SOX6: variants seen among roughly 807,000 people sequenced by gnomAD.
SOX6 encodes transcription factor SOX-6.
Under a neutral mutation model 97.8 loss-of-function variants are expected in SOX6, and 11 were observed. That is an observed-to-expected ratio of 0.11 (90% CI 0.07 to 0.19). The LOEUF (loss-of-function observed/expected upper bound fraction) is 0.19. Ranked by LOEUF, SOX6 falls within the 10% of genes least tolerant of loss-of-function variation. The pLI, the probability that SOX6 is intolerant of heterozygous loss-of-function variation, is 1.00. For missense variants in SOX6, 810 were observed against 1,039.5 expected, an observed-to-expected ratio of 0.78 and a Z score of 3.04; for synonymous variants, 360 against 371.4, an observed-to-expected ratio of 0.97 and a Z score of 0.35.
At chr11:16,545,100 TA>T (rs913046742) in intron 4 of SOX6, among the ~76,000 whole-genome samples, 15 of 150,404 alleles carry the variant, frequency 1.0e-4, no homozygotes, top group African/African-American at 7.3e-5. Context: ...ATATCTAAAA[TA>T]AAAAAAACAC....
chr11:16,569,868 C>CAAAAAAAA (rs34604334), intron 4 of SOX6, among the ~76,000 whole-genome samples: 60 of 84,788 alleles, frequency 7.1e-4, no homozygotes, highest in Non-Finnish European at 1.0e-3. Flanking sequence ...GACTCCGTCT[C>CAAAAAAAA]AAAAAAAAAA....
chr11:16,207,813 T>C (rs1852115106), intron 4 of SOX6, among the ~76,000 whole-genome samples: 1 of 117,994 alleles, frequency 8.5e-6, no homozygotes, highest in South Asian at 3.1e-4. Flanking sequence ...AAAATATGCA[T>C]AGGAATGTGT....
At chr11:16,554,374 G>GT (rs984833548) in intron 4 of SOX6, among the ~76,000 whole-genome samples, 4 of 151,982 alleles carry the variant, frequency 2.6e-5, no homozygotes, top group African/African-American at 9.7e-5. Flanking sequence ...ATTAACTTAG[G>GT]TTTTTTCCCC....
chr11:16,183,904 G>C lies in SOX6; in HGVS notation c.759C>G (p.Leu253=). 6.2e-7 allele frequency: 1 copy of C among 1,612,342 alleles called. No homozygotes were observed. Among genetic ancestry groups the C allele is most frequent in the South Asian group, 1.1e-5 (1 of 91,048 alleles). The change falls in exon 6 of 16, where the codon CTC becomes CTG. Residue 253 remains leucine, a synonymous_variant. Coordinates refer to ENST00000683767, the MANE Select transcript of SOX6 (RefSeq NM_001367873.1). ...QLLQQQHKIN[L]LQQQIQVQGH... ...CACTGACCTGGATCTGTTGCTGCAGGAGATTAATTTTGTGCTGCTGTTGCA... is the reference window on the plus strand; with the variant it reads ...CACTGACCTGGATCTGTTGCTGCAGCAGATTAATTTTGTGCTGCTGTTGCA...
chr11:16,107,748 C>T lies in SOX6; in HGVS notation c.898+4055G>A, dbSNP rs554655109. Among the ~76,000 whole-genome samples, 19 of 151,924 alleles carry T rather than the reference C, an allele frequency of 1.3e-4. 1 individual carries two copies. Among genetic ancestry groups the T allele is most frequent in the East Asian group, 5.8e-4 (3 of 5,168 alleles). On this transcript the variant is annotated intron_variant, in intron 7 of 15. Transcript: ENST00000683767. ...TTATACAATATTGAAAATATATTAA[C>T]GCCACTGAGTTATATACTTACAAAT...
intron 7 of SOX6, among the ~76,000 whole-genome samples, chr11:16,104,998 T>C (rs900667275): frequency 2.6e-5 from 4 of 151,136 alleles, no homozygotes; most frequent in Non-Finnish European, 5.9e-5. Flanking sequence ...TTCAAACTCT[T>C]ACAAAAAAAA....
At chr11:16,509,715 T>G (rs1241200629) in intron 4 of SOX6, among the ~76,000 whole-genome samples, 1 of 152,090 alleles carries the variant, frequency 6.6e-6, no homozygotes, top group African/African-American at 2.4e-5. Context: ...AATTTTATTT[T>G]AATCGGGCAT....
chr11:16,685,589 C>G (rs1847962729), intron 3 of SOX6, among the ~76,000 whole-genome samples: 1 of 152,270 alleles, frequency 6.6e-6, no homozygotes, highest in South Asian at 2.1e-4. Context: ...CTCCCAAGGC[C>G]TTGGACAGCT....
intron 7 of SOX6, among the ~76,000 whole-genome samples, chr11:16,107,406 T>TATATATATATACATATATATAC (rs1849117965): frequency 7.0e-6 from 1 of 141,974 alleles, no homozygotes; most frequent in Non-Finnish European, 1.5e-5. Flanking sequence ...TATATATATG[T>TATATATATATACATATATATAC]ATATATATAT....
chr11:16,697,104 CTG>C (rs1171795646), intron 3 of SOX6, among the ~76,000 whole-genome samples: 1 of 152,178 alleles, frequency 6.6e-6, no homozygotes, highest in Non-Finnish European at 1.5e-5. Context: ...TATTGTGACA[CTG>C]TAACAATTCA....
chr11:16,197,813 C>A (rs1851823408), intron 4 of SOX6, among the ~76,000 whole-genome samples: 1 of 152,084 alleles, frequency 6.6e-6, no homozygotes, highest in South Asian at 2.1e-4. Flanking sequence ...CAGAAATGAC[C>A]AAGAGTCTCC....
chr11:16,286,954 T>TC (rs1854762108), intron 3 of SOX6, among the ~76,000 whole-genome samples: 2 of 152,070 alleles, frequency 1.3e-5, no homozygotes. Context: ...TGTGTAGGTT[T>TC]GAAAATTTTT....
intron 6 of SOX6, among the ~76,000 whole-genome samples, chr11:16,180,738 C>T (rs530148936): frequency 1.3e-5 from 2 of 151,704 alleles, no homozygotes; most frequent in African/African-American, 4.8e-5. Flanking sequence ...CTTACTTTTC[C>T]AACACGGTTT....
At chr11:16,359,717 C>T (rs957858346), upstream of SOX6, among the ~76,000 whole-genome samples, 12 of 151,692 alleles carry the variant, frequency 7.9e-5, no homozygotes, top group African/African-American at 1.5e-4. Flanking sequence ...GAGTAGGGAA[C>T]GAAGAGGAGG....
At chr11:16,482,554 G>A (rs1411885365) in intron 4 of SOX6, among the ~76,000 whole-genome samples, 1 of 152,126 alleles carries the variant, frequency 6.6e-6, no homozygotes, top group African/African-American at 2.4e-5. Flanking sequence ...ACAAAAAAGT[G>A]TCACTTGTTT....
At chr11:16,313,210 C>T (rs1051664512) in intron 3 of SOX6, 6 of 152,068 alleles carry the variant, frequency 3.9e-5, no homozygotes, top group Admixed American at 3.3e-4. Context: ...AAAGCATCTG[C>T]CTGGAGAGTT....
intron 3 of SOX6, among the ~76,000 whole-genome samples, chr11:16,710,044 T>C (rs1023401020): frequency 2.0e-5 from 3 of 152,234 alleles, no homozygotes; most frequent in African/African-American, 4.8e-5. Flanking sequence ...GTTCATCAAA[T>C]GCTATATTTT....
Position 16,303,894 on chromosome 11 carries a change from G to C in SOX6, c.445+14552C>G, listed in dbSNP as rs558253208. Among the ~76,000 whole-genome samples, 4 of 152,184 alleles carry C rather than the reference G, an allele frequency of 2.6e-5. No individual in the cohort carries two copies. The South Asian group carries it at 8.3e-4, about 32-fold the overall frequency. On this transcript the variant is annotated intron_variant, in intron 3 of 15. Coordinates refer to ENST00000683767, the MANE Select transcript of SOX6 (RefSeq NM_001367873.1). ...ATTTGGAGAAAATGTAAATAGTTTT[G>C]TGGGGGGTTTCTTTGTTTGTTTTTT...
At chr11:16,582,839 T>C (rs1462253794) in intron 4 of SOX6, among the ~76,000 whole-genome samples, 1 of 152,130 alleles carries the variant, frequency 6.6e-6, no homozygotes, top group South Asian at 2.1e-4. Flanking sequence ...GAAGATCAAA[T>C]GGTTTTATAG....
Sources: allele counts gnomAD v4.1 joint callset (sites outside exome capture counted in the v4.1 genomes callset), GRCh38; gene constraint gnomAD v4.1.1; transcripts MANE v1.5; gene names NCBI Gene and HGNC (gene_info 2026-07-23, HGNC 2026-07-21).